The following GRIK1 variants were observed in gnomAD, a reference collection of about 807,000 sequenced individuals.
The protein encoded by GRIK1 is glutamate receptor ionotropic, kainate 1.
A neutral mutation model predicts 105.7 loss-of-function variants in GRIK1; 69 were observed. The ratio of observed to expected loss-of-function variants is 0.65; its 90% confidence interval spans 0.54 to 0.80. The LOEUF (loss-of-function observed/expected upper bound fraction) is 0.80, where lower values mean the gene tolerates loss of function less well. Ranked by LOEUF, GRIK1 falls within the 30% of genes least tolerant of loss-of-function variation. The pLI is 0.00. For synonymous variants in GRIK1, 438 were observed against 431.3 expected (o/e 1.02, Z -0.19); for missense variants, 1,109 against 1,167.3 (o/e 0.95, Z 0.73).
chr21:29,895,122 C>T (rs903803125), intron 1 of GRIK1, among the ~76,000 whole-genome samples: 16 of 152,074 alleles, frequency 1.1e-4, no homozygotes, highest in African/African-American at 3.6e-4. Context: ...AGAATATTGA[C>T]AAGCCTTGGA....
chr21:29,661,798 A>G (rs1315543470), intron 4 of GRIK1, among the ~76,000 whole-genome samples: 1 of 152,204 alleles, frequency 6.6e-6, no homozygotes, highest in Non-Finnish European at 1.5e-5. Flanking sequence ...AACGTCAAAA[A>G]CATGTATCAA....
At chr21:29,811,774 C>T (rs973760022) in intron 1 of GRIK1, among the ~76,000 whole-genome samples, 4 of 152,148 alleles carry the variant, frequency 2.6e-5, no homozygotes, top group Non-Finnish European at 5.9e-5. Flanking sequence ...TATCTTCCAC[C>T]TTCATTATAG....
intron 1 of GRIK1, among the ~76,000 whole-genome samples, chr21:29,918,845 A>G (rs2071093485): frequency 6.6e-6 from 1 of 152,066 alleles, no homozygotes; most frequent in Non-Finnish European, 1.5e-5. Flanking sequence ...GAGATATTTC[A>G]GCCCCAATTG....
intron 1 of GRIK1, among the ~76,000 whole-genome samples, chr21:29,786,972 C>A (rs2066277298): frequency 6.6e-6 from 1 of 152,176 alleles, no homozygotes; most frequent in Admixed American, 6.5e-5. Flanking sequence ...GCTCTAGAGT[C>A]AGGCTTTTTC....
intron 1 of GRIK1, among the ~76,000 whole-genome samples, chr21:29,867,758 C>G (rs990934637): frequency 1.3e-5 from 2 of 149,194 alleles, no homozygotes; most frequent in Admixed American, 6.7e-5. Context: ...CATGCCACTG[C>G]GCTCCAGCCT....
chr21:29,802,611 C>T (rs1244449959), intron 1 of GRIK1, among the ~76,000 whole-genome samples: 1 of 152,160 alleles, frequency 6.6e-6, no homozygotes, highest in Non-Finnish European at 1.5e-5. Flanking sequence ...CATACAGCTT[C>T]TAAGATGATC....
At chr21:29,854,585 G>T (rs909916589) in intron 1 of GRIK1, among the ~76,000 whole-genome samples, 20 of 152,154 alleles carry the variant, frequency 1.3e-4, no homozygotes, top group African/African-American at 3.6e-4. Context: ...CCCAGAGAAT[G>T]GAGGCACACA....
intron 8 of GRIK1, among the ~76,000 whole-genome samples, chr21:29,597,289 C>A (rs983185803): frequency 6.6e-6 from 1 of 152,326 alleles, no homozygotes; most frequent in Admixed American, 6.5e-5. Flanking sequence ...AAAACACTTT[C>A]ATCTAATTTG....
chr21:29,810,026 G>T (rs141517048), intron 1 of GRIK1, among the ~76,000 whole-genome samples: 1 of 152,064 alleles, frequency 6.6e-6, no homozygotes, highest in African/African-American at 2.4e-5. Context: ...AGCTGGGCAC[G>T]GTGGGTCATG....
chr21:29,888,365 A>G (rs1257950446), intron 1 of GRIK1, among the ~76,000 whole-genome samples: 1 of 150,012 alleles, frequency 6.7e-6, no homozygotes, highest in African/African-American at 2.5e-5. Context: ...CCTGGGTTCA[A>G]GAGATCCTCA....
At chr21:29,717,066 A>G (rs2064196230) in intron 1 of GRIK1, among the ~76,000 whole-genome samples, 2 of 152,240 alleles carry the variant, frequency 1.3e-5, no homozygotes, top group Non-Finnish European at 2.9e-5. Context: ...GCAAGCCCCA[A>G]GCCTTGGTGG....
chr21:29,659,353 C>T (rs9984194), intron 4 of GRIK1, among the ~76,000 whole-genome samples: 63,155 of 151,744 alleles, frequency 0.42, 14,178 homozygotes, highest in African/African-American at 0.6. Context: ...AAACAGTTTT[C>T]CCCCCCTACC....
chr21:29,831,733 A>G (rs1428590728), intron 1 of GRIK1, among the ~76,000 whole-genome samples: 1 of 152,128 alleles, frequency 6.6e-6, no homozygotes, highest in Non-Finnish European at 1.5e-5. Context: ...ATAAAAATTC[A>G]ACATGAGATT....
chr21:29,592,782 C>A (rs139028018), intron 9 of GRIK1, among the ~76,000 whole-genome samples: 157 of 152,244 alleles, frequency 1.0e-3, no homozygotes, highest in African/African-American at 3.8e-3. Flanking sequence ...GTCATTTCTT[C>A]AACCTTACCC....
chr21:29,656,354 C>CAAAAAAAAAAAAAAAAAAAAA (rs3054331), intron 4 of GRIK1, among the ~76,000 whole-genome samples: 7 of 51,170 alleles, frequency 1.4e-4, no homozygotes, highest in African/African-American at 2.6e-4. Flanking sequence ...GAGCGAGACT[C>CAAAAAAAAAAAAAAAAAAAAA]AAAAAAAAAA....
chr21:29,899,161 A>T (rs2070293317), intron 1 of GRIK1, among the ~76,000 whole-genome samples: 1 of 152,242 alleles, frequency 6.6e-6, no homozygotes, highest in African/African-American at 2.4e-5. Context: ...TATTGCTCAA[A>T]GTGTCCTGAA....
chr21:29,695,340 A>G (rs2063673978), intron 1 of GRIK1, among the ~76,000 whole-genome samples: 1 of 152,142 alleles, frequency 6.6e-6, no homozygotes, highest in Non-Finnish European at 1.5e-5. Context: ...TTGATTGACC[A>G]ATACTCCTCA....
At chr21:29,587,644 A>G (rs1416172886) in intron 11 of GRIK1, 55 bp from the exon 12 acceptor site, 3 of 991,356 alleles carry the variant, frequency 3.0e-6, no homozygotes, top group African/African-American at 3.2e-5. Flanking sequence ...GCAAATGTCT[A>G]GACTTTTCCT....
intron 3 of GRIK1, among the ~76,000 whole-genome samples, chr21:29,678,587 G>A (rs942819273): frequency 2.6e-5 from 4 of 152,108 alleles, no homozygotes; most frequent in Non-Finnish European, 5.9e-5. Context: ...ATTTAAGTAA[G>A]GTTCTGGTCA....
Sources: gnomAD v4.1 joint callset for allele counts (sites outside exome capture counted in the v4.1 genomes callset) on GRCh38, gnomAD v4.1.1 for gene constraint, MANE v1.5 for transcripts, NCBI Gene and HGNC (gene_info 2026-07-23, HGNC 2026-07-21) for gene names.